Variants in EPHA10 observed in about 807,000 individuals in gnomAD.
EPHA10 encodes the protein ephrin type-A receptor 10.
Under a neutral mutation model 109.7 loss-of-function variants are expected in EPHA10, and 120 were observed. The ratio of observed to expected loss-of-function variants is 1.09; its 90% CI spans 0.94 to 1.27. EPHA10 has a LOEUF of 1.27. Among genes scored for constraint, EPHA10 ranks in the 50% most tolerant of loss-of-function variants. The pLI, the probability that EPHA10 is intolerant of heterozygous loss-of-function variation, is 0.00. For missense variants in EPHA10, 1,396 were observed against 1,411.1 expected, an observed-to-expected ratio of 0.99 and a Z score of 0.17; for synonymous variants, 640 against 618.9, an observed-to-expected ratio of 1.03 and a Z score of -0.51.
intron 11 of EPHA10, 126 bp downstream of exon 11, chr1:37,721,534 G>A: frequency 9.8e-7 from 1 of 1,016,784 alleles, no homozygotes; most frequent in Non-Finnish European, 1.4e-6. Context: ...GAGGTCCCTG[G>A]CTGAAGCTCC....
In EPHA10 at chr1:37,718,830, GAGCTGTGCTCAACCGAC is replaced by G; in HGVS notation, c.2757-31_2757-15del. 6.2e-7 allele frequency: 1 copy of G among 1,601,472 alleles called. No homozygotes were observed. Among genetic ancestry groups the G allele is most frequent in the Non-Finnish European group, 8.5e-7 (1 of 1,173,718 alleles). ...GGGGTGGGAGGCCTGCGGGTCAGAG[GAGCTGTGCTCAACCGAC>G]AGCTGGGATCTGGGCCCACACCTGG... On this transcript the variant is annotated splice_polypyrimidine_tract_variant and intron_variant, in intron 15 of 16. Coordinates refer to ENST00000373048, the MANE Select transcript of EPHA10 (RefSeq NM_001099439.2).
At chr1:37,752,049 G>A (rs929033338) in intron 5 of EPHA10, among the ~76,000 whole-genome samples, 1 of 152,152 alleles carries the variant, frequency 6.6e-6, no homozygotes, top group Non-Finnish European at 1.5e-5. Flanking sequence ...ATCACAGAAA[G>A]CAGGGATGCA....
At chr1:37,732,818 G>A (rs569587434) in intron 6 of EPHA10, among the ~76,000 whole-genome samples, 2 of 138,652 alleles carry the variant, frequency 1.4e-5, no homozygotes, top group Admixed American at 7.3e-5. Context: ...CAGGCTCCAT[G>A]AGAGTACACT....
chr1:37,732,219 C>T (rs1645995226), intron 6 of EPHA10, among the ~76,000 whole-genome samples: 1 of 152,174 alleles, frequency 6.6e-6, no homozygotes, highest in South Asian at 2.1e-4. Flanking sequence ...AGCCTCACAA[C>T]AGCCCTGTGG....
Position 37,746,603 on chromosome 1 carries a change from A to G in EPHA10, c.1357+6273T>C, listed in dbSNP as rs201161355. ...CAATTCTACTCCTAGGTATATAGCC[A>G]TGAAAACTGAAAATATATGTTTATG... is the stretch of plus-strand genomic sequence containing the variant. On this transcript the variant is annotated intron_variant, in intron 5 of 16. Coordinates refer to ENST00000373048, the MANE Select transcript of EPHA10 (RefSeq NM_001099439.2). 1.3e-3 allele frequency among the ~76,000 whole-genome samples: 203 copies of G among 152,328 alleles called. 1 individual carries two copies. The highest frequency in any genetic ancestry group is 2.3e-3 in the Non-Finnish European group (155 of 68,032).
At position 37,754,072 on chromosome 1, in the gene EPHA10, G is replaced by T. The variant is rs1308048221; in HGVS notation, c.1006+143C>A. ...TCCAGGCTCCGCTCCCCCGTACGCC[G>T]CCTTCCGGGGCGCTGGCCCCCATAT... On this transcript the variant is annotated intron_variant, in intron 4 of 16. Coordinates refer to ENST00000373048, the MANE Select transcript of EPHA10 (RefSeq NM_001099439.2). The surrounding 1 kb of genome is among the most constrained non-coding windows in gnomAD (Gnocchi z 4.5). The T allele has an allele frequency of 2.1e-6, 2 of 971,382 alleles. No individual in the cohort carries two copies. The highest frequency in any genetic ancestry group is 3.3e-5 in the East Asian group (1 of 30,502). 60.2% of individuals were successfully genotyped at this position (971,382 alleles called of 1,614,324 possible).
rs1366326043 is a variant in EPHA10 at position 37,752,957 on chromosome 1, C to T, written c.1276G>A (p.Ala426Thr). The change falls in exon 5 of 17, where the codon GCC becomes ACC. Residue 426 changes from alanine (A) to threonine (T), a missense_variant. Coordinates refer to ENST00000373048, the MANE Select transcript of EPHA10 (RefSeq NM_001099439.2). ...GGGCCCGAGACGCCGTTGAGCGCGGCCACGCGCACGGTGTAGCGCGCGCCG... is the reference window on the plus strand; with the variant it reads ...GGGCCCGAGACGCCGTTGAGCGCGGTCACGCGCACGGTGTAGCGCGCGCCG... ...RPGARYTVRV[A>T]ALNGVSGPAA... 2 of 1,293,162 alleles carry T rather than the reference C, an allele frequency of 1.5e-6. No homozygotes were observed. Among genetic ancestry groups the T allele is most frequent in the Admixed American group, 4.0e-5 (1 of 25,038 alleles). 80.1% of individuals were successfully genotyped at this position (1,293,162 alleles called of 1,614,324 possible).
intron 5 of EPHA10, among the ~76,000 whole-genome samples, chr1:37,736,400 C>T (rs531106054): frequency 2.1e-5 from 3 of 143,020 alleles, no homozygotes; most frequent in African/African-American, 7.8e-5. Context: ...CAGTTGAACC[C>T]GGGAGGTGGA....
Position 37,765,022 on chromosome 1 carries a change from G to T in EPHA10, c.45C>A (p.Cys15Ter). ...AGPHPLRLFLCRMQLCLALLL... is the reference protein window; with the variant it reads ...AGPHPLRLFL ...GCAGCGCGAGACAGAGCTGCATCCG[G>T]CAGAGGAAGAGGCGCAGCGGGTGTG... Residue 15 changes from cysteine (C) to a stop codon, truncating the protein, a stop_gained, in exon 1 of 17, where the codon TGC becomes TGA. Coordinates refer to ENST00000373048, the MANE Select transcript of EPHA10 (RefSeq NM_001099439.2). LOFTEE classifies it high-confidence loss of function. 4 of 1,610,682 alleles carry T rather than the reference G, an allele frequency of 2.5e-6. No homozygotes were observed. The highest frequency in any genetic ancestry group is 3.4e-6 in the Non-Finnish European group (4 of 1,179,372).
Position 37,718,690 on chromosome 1 carries a change from G to A in EPHA10, c.2883C>T (p.Ser961=). The change falls in exon 16 of 17, where the codon AGC becomes AGT. Residue 961 remains serine (S), a synonymous_variant. Transcript: ENST00000373048. ...CAGTCATCTCGGCCACGGCCTCCAG[G>A]CTCCCATAGCCAGCAGCCGCGAAGC... ...KDSFAAAGYG[S]LEAVAEMTAQ... 2 of 1,613,220 alleles carry A rather than the reference G, an allele frequency of 1.2e-6. No homozygotes were observed. Among genetic ancestry groups the A allele is most frequent in the Non-Finnish European group, 8.5e-7 (1 of 1,180,022 alleles).
At chr1:37,742,693 A>C (rs1359123161) in intron 5 of EPHA10, among the ~76,000 whole-genome samples, 1 of 68,602 alleles carries the variant, frequency 1.5e-5, no homozygotes, top group Non-Finnish European at 3.3e-5. Flanking sequence ...ATTTAAGTTA[A>C]AGTCAGTTAG....
chr1:37,731,226 A>G (rs1233944025), intron 7 of EPHA10, among the ~76,000 whole-genome samples, 185 bp downstream of exon 7: 1 of 152,160 alleles, frequency 6.6e-6, no homozygotes, highest in Non-Finnish European at 1.5e-5. Flanking sequence ...GTCGGTGAAC[A>G]GGCATTAGTC....
intron 5 of EPHA10, among the ~76,000 whole-genome samples, chr1:37,738,714 G>A (rs1303688138): frequency 6.6e-6 from 1 of 152,226 alleles, no homozygotes; most frequent in African/African-American, 2.4e-5. Context: ...CATGTTCATT[G>A]CAGCATTATT....
intron 13 of EPHA10, 75 bp downstream of exon 13, chr1:37,720,276 T>C (rs1446710958): frequency 1.3e-6 from 2 of 1,484,172 alleles, no homozygotes; most frequent in Non-Finnish European, 1.8e-6. Context: ...GGAGTAGAAG[T>C]GGGGAGTTAA....
chr1:37,719,041 T>A (rs1645740752), intron 15 of EPHA10: 1 of 629,624 alleles, frequency 1.6e-6, no homozygotes, highest in East Asian at 2.8e-5. Flanking sequence ...GGTATTGGCG[T>A]ATCCGGAACA....
Position 37,760,841 on chromosome 1 carries a change from T to C in EPHA10, c.850+564A>G, listed in dbSNP as rs868467115. ...GCTCACGCCTATAATCCCAGCACTC[T>C]GGAAGGCCTAGGTAGGTGGATCACT... On this transcript the variant is annotated intron_variant, in intron 3 of 16. Transcript: ENST00000373048. 9.8e-5 allele frequency: 18 copies of C among 182,974 alleles called. No individual in the cohort carries two copies. The Middle Eastern group carries it at 6.0e-3, about 61-fold the overall frequency. 11.3% of individuals were successfully genotyped at this position (182,974 alleles called of 1,614,324 possible). A position where few individuals can be genotyped will look rare whatever the true frequency, so the allele number is the denominator to read the frequency against.
chr1:37,718,192 G>T lies in EPHA10; in HGVS notation c.*180C>A. The T allele has an allele frequency of 1.6e-6, 1 of 612,432 alleles. No homozygotes were observed. The highest frequency in any genetic ancestry group is 2.9e-6 in the Non-Finnish European group (1 of 344,468). The allele number at this position is 612,432 out of a possible 1,614,324, so 37.9% of individuals were successfully genotyped here. A position where few individuals can be genotyped will look rare whatever the true frequency, so the allele number is the denominator to read the frequency against. On this transcript the variant is annotated 3_prime_UTR_variant, in exon 17 of 17. Transcript: ENST00000373048. ...TGAGTTAGCCAAGGCGTTCAGACTC[G>T]TGAAAATGGGAGGGGCAGGCAGTGA...
intron 16 of EPHA10, 36 bp downstream of exon 16, chr1:37,718,625 C>A: frequency 6.2e-7 from 1 of 1,613,046 alleles, no homozygotes; most frequent in Non-Finnish European, 8.5e-7. Flanking sequence ...GTGGAATCCC[C>A]CAGCCCCGGC....
At chr1:37,724,884 C>A (rs2148318064) in intron 8 of EPHA10, among the ~76,000 whole-genome samples, 1 of 152,272 alleles carries the variant, frequency 6.6e-6, no homozygotes, top group Non-Finnish European at 1.5e-5. Context: ...GATAGGCCTG[C>A]CAGACAGCAG....
Sources: allele counts gnomAD v4.1 joint callset (sites outside exome capture counted in the v4.1 genomes callset), GRCh38; gene constraint gnomAD v4.1.1; non-coding constraint Gnocchi (gnomAD v3.1); transcripts MANE v1.5; gene names NCBI Gene and HGNC (gene_info 2026-07-23, HGNC 2026-07-21).